OPRM1: variants seen among roughly 807,000 people sequenced by gnomAD.
The protein encoded by OPRM1 is opioid receptor mu 1.
A neutral mutation model predicts 31.8 loss-of-function variants in OPRM1; 27 were observed. The ratio of observed to expected loss-of-function variants is 0.85; its 90% confidence interval spans 0.63 to 1.17. The LOEUF is 1.17. Ranked by LOEUF, OPRM1 falls within the 50% of genes most tolerant of loss-of-function variation. The pLI is 0.00. For missense variants in OPRM1, 536 were observed against 511.1 expected, an observed-to-expected ratio of 1.05 and a Z score of -0.47; for synonymous variants, 196 against 189.9, an observed-to-expected ratio of 1.03 and a Z score of -0.26.
chr6:154,021,923 T>G (rs1423578131), intron 1 of OPRM1, among the ~76,000 whole-genome samples: 1 of 152,196 alleles, frequency 6.6e-6, no homozygotes, highest in Admixed American at 6.5e-5. Context: ...TTCTATTTTT[T>G]TCTTCTTCTT....
intron 3 of OPRM1, chr6:154,222,855 G>T: frequency 2.9e-6 from 1 of 346,070 alleles, no homozygotes; most frequent in Non-Finnish European, 5.5e-6. Context: ...TTCTTTAGTA[G>T]AACCGAAGCT....
intron 1 of OPRM1, among the ~76,000 whole-genome samples, chr6:154,032,461 G>A (rs1387334283): frequency 6.6e-6 from 1 of 152,062 alleles, no homozygotes; most frequent in East Asian, 1.9e-4. Flanking sequence ...TTAGAGACAG[G>A]ATCTCTCTCT....
At chr6:154,020,377 A>G (rs1340267129) in intron 1 of OPRM1, among the ~76,000 whole-genome samples, 1 of 152,188 alleles carries the variant, frequency 6.6e-6, no homozygotes. Flanking sequence ...GAAAGATACC[A>G]TTCTAAATGT....
rs1020953463 is a variant in OPRM1, at chr6:154,159,737, A to C, written c.1164+68265A>C. ...GCTGATGCTTGAAGGACTGGGTTTC[A>C]GTTTTCCTTTTAAGGAAAAATGTAA... On this transcript the variant is annotated intron_variant, in intron 3 of 3. Transcript: ENST00000337049. 2.7e-5 allele frequency: 26 copies of C among 974,326 alleles called. No individual in the cohort carries two copies. The Middle Eastern group carries it at 1.3e-3, about 48-fold the overall frequency. The allele number at this position is 974,326 out of a possible 1,614,324, so 60.4% of individuals were successfully genotyped here. A position where few individuals can be genotyped will look rare whatever the true frequency, so the allele number is the denominator to read the frequency against.
intron 1 of OPRM1, among the ~76,000 whole-genome samples, chr6:154,061,451 A>C (rs112156545): frequency 6.6e-6 from 1 of 152,178 alleles, no homozygotes; most frequent in African/African-American, 2.4e-5. Flanking sequence ...GGCAAAAATA[A>C]AAATAAGAGA....
intron 3 of OPRM1, among the ~76,000 whole-genome samples, chr6:154,092,175 G>A (rs1792415653): frequency 1.3e-5 from 2 of 151,682 alleles, no homozygotes; most frequent in Non-Finnish European, 1.5e-5. Context: ...CTTTTGGAAG[G>A]TGTATTTCTG....
Position 154,010,910 on chromosome 6 carries a change from A to C in OPRM1, c.-109A>C, listed in dbSNP as rs1329533995. On this transcript the variant is annotated 5_prime_UTR_variant, in exon 1 of 6. Coordinates refer to the OPRM1 transcript ENST00000434900. ...TTCTATGAGAAGGACCAGCCCTTAC[A>C]TCCCATCAAAATGTTTCCTGGAAAC... is the stretch of plus-strand genomic sequence containing the variant. 7 of 1,314,784 alleles carry C rather than the reference A, an allele frequency of 5.3e-6. No individual in the cohort carries two copies. The East Asian group carries it at 2.0e-4, about 37-fold the overall frequency. The allele number at this position is 1,314,784 out of a possible 1,614,324, so 81.4% of individuals were successfully genotyped here.
intron 1 of OPRM1, among the ~76,000 whole-genome samples, chr6:154,075,475 C>G (rs1413634035): frequency 7.0e-6 from 1 of 142,186 alleles, no homozygotes; most frequent in African/African-American, 2.6e-5. Flanking sequence ...TTTTTCCAGA[C>G]GGAATTTCAC....
chr6:154,091,868 C>T, intron 3 of OPRM1: 1 of 996,228 alleles, frequency 1.0e-6, no homozygotes, highest in African/African-American at 1.7e-5. Flanking sequence ...AAAAGCCAGT[C>T]TTGCTCTGGT....
At chr6:154,099,976 A>C (rs891004114) in intron 3 of OPRM1, among the ~76,000 whole-genome samples, 29 of 140,792 alleles carry the variant, frequency 2.1e-4, no homozygotes, top group Non-Finnish European at 4.4e-4. Context: ...ATTACGATAT[A>C]TATCATAACA....
In OPRM1 at chr6:154,128,087, T is replaced by A. The variant is rs765024955; in HGVS notation, c.*9366T>A. On this transcript the variant is annotated 3_prime_UTR_variant, in exon 4 of 4. Coordinates refer to ENST00000330432, the MANE Select transcript of OPRM1 (RefSeq NM_000914.5). The stretch of plus-strand genomic sequence containing the variant: ...TTCAAATAACAGAGTATTTCCAGGA[T>A]TTATAAATTCAGTATTACAAATAGT... Among the ~76,000 whole-genome samples the A allele has an allele frequency of 6.6e-6, 1 of 152,336 alleles. No individual in the cohort carries two copies. Among genetic ancestry groups the A allele is most frequent in the Non-Finnish European group, 1.5e-5 (1 of 68,032 alleles).
intron 1 of OPRM1, among the ~76,000 whole-genome samples, chr6:154,033,639 A>C (rs1367020717): frequency 2.6e-5 from 4 of 152,178 alleles, no homozygotes. Context: ...CTATAATGCA[A>C]AAGAGTGATT....
At chr6:154,167,857 G>T in intron 3 of OPRM1, 3 of 1,261,300 alleles carry the variant, frequency 2.4e-6, no homozygotes, top group African/African-American at 1.5e-5. Context: ...GAATCTCTCT[G>T]CAGAACCAGC....
chr6:154,133,037 T>C (rs918335981), downstream of OPRM1, among the ~76,000 whole-genome samples: 2 of 150,736 alleles, frequency 1.3e-5, no homozygotes, highest in Non-Finnish European at 3.0e-5. Context: ...AGGAGAATGG[T>C]GTGAACCCGG....
At chr6:154,157,008 G>A (rs1375022474) in intron 3 of OPRM1, 3 of 152,222 alleles carry the variant, frequency 2.0e-5, no homozygotes, top group Non-Finnish European at 2.9e-5. Flanking sequence ...ACAGCTCACA[G>A]ACACTGCAGG....
chr6:154,084,476 T>C (rs985698049), intron 1 of OPRM1, among the ~76,000 whole-genome samples: 4 of 151,508 alleles, frequency 2.6e-5, no homozygotes, highest in African/African-American at 9.7e-5. Context: ...CAGAATGGAA[T>C]AGATGGATAA....
downstream of OPRM1, among the ~76,000 whole-genome samples, chr6:154,132,859 C>T (rs1245785617): frequency 6.6e-6 from 1 of 152,142 alleles, no homozygotes; most frequent in Non-Finnish European, 1.5e-5. Flanking sequence ...TGGTGGCTCA[C>T]GCCTGTAATC....
intron 3 of OPRM1, among the ~76,000 whole-genome samples, chr6:154,095,088 T>C (rs1447521090): frequency 6.6e-6 from 1 of 152,188 alleles, no homozygotes; most frequent in East Asian, 1.9e-4. Context: ...GGTCAGGAGT[T>C]CGAGACCAGC....
intron 3 of OPRM1, among the ~76,000 whole-genome samples, chr6:154,242,361 C>G (rs561195414): frequency 6.6e-6 from 1 of 152,158 alleles, no homozygotes; most frequent in African/African-American, 2.4e-5. Flanking sequence ...CAAAATCAGT[C>G]CTTACACATG....
Sources: gnomAD v4.1 joint callset for allele counts (sites outside exome capture counted in the v4.1 genomes callset) on GRCh38, gnomAD v4.1.1 for gene constraint, MANE v1.5 for transcripts, NCBI Gene and HGNC (gene_info 2026-07-23, HGNC 2026-07-21) for gene names.